Variants in TMTC2 observed in about 807,000 individuals in gnomAD.
The protein encoded by TMTC2 is protein O-mannosyl-transferase TMTC2.
Under a neutral mutation model 82.4 loss-of-function variants are expected in TMTC2, and 43 were observed. The observed-to-expected ratio is 0.52, with a 90% confidence interval of 0.41 to 0.67. The LOEUF is 0.67. Ranked by LOEUF, TMTC2 falls within the 30% of genes least tolerant of loss-of-function variation. The probability of loss-of-function intolerance (pLI) is 0.00; values close to 1 mark genes in which losing one functional copy is unlikely to be tolerated. For synonymous variants in TMTC2, 408 were observed against 381.9 expected (o/e 1.07, Z -0.80); for missense variants, 919 against 1,012.4 (o/e 0.91, Z 1.25).
intron 11 of TMTC2, among the ~76,000 whole-genome samples, chr12:83,115,540 A>T (rs549911825): frequency 6.6e-6 from 1 of 152,206 alleles, no homozygotes; most frequent in South Asian, 2.1e-4. Context: ...TTTTACTTCA[A>T]ATGATGAGCT....
rs577574362 is a variant in TMTC2, at chr12:82,793,290, G to A, written c.84-63720G>A. 5.3e-5 allele frequency among the ~76,000 whole-genome samples: 8 copies of A among 150,920 alleles called. No individual in the cohort carries two copies. In the East Asian group the frequency reaches 9.7e-4, roughly 18 times the overall value. On this transcript the variant is annotated intron_variant, in intron 1 of 11. Transcript: ENST00000321196. The stretch of plus-strand genomic sequence containing the variant: ...ATTTTTAAAGGACTTAATACTTTTC[G>A]TCGTGCTTTCATTTACATGTCCCAT...
chr12:82,751,611 TCA>T (rs1185347300), intron 1 of TMTC2, among the ~76,000 whole-genome samples: 20 of 152,138 alleles, frequency 1.3e-4, no homozygotes, highest in Admixed American at 1.2e-3. Context: ...TTGTAAATTG[TCA>T]CTTAATGGGA....
chr12:83,111,780 A>G lies in TMTC2; in HGVS notation c.2332-20430A>G, dbSNP rs189159817. Among the ~76,000 whole-genome samples the G allele has an allele frequency of 2.0e-5, 3 of 152,322 alleles. No individual in the cohort carries two copies. The East Asian group carries it at 5.8e-4, about 29-fold the overall frequency. On this transcript the variant is annotated intron_variant, in intron 11 of 11. Coordinates refer to ENST00000321196, the MANE Select transcript of TMTC2 (RefSeq NM_152588.3). The stretch of plus-strand genomic sequence containing the variant: ...ATGAATGAGTGAGTGAATAAATTAC[A>G]TTTAAAAAGGAAAAATTAAGAATAT...
chr12:82,873,980 A>G (rs866977357), intron 2 of TMTC2, among the ~76,000 whole-genome samples: 5 of 152,234 alleles, frequency 3.3e-5, no homozygotes, highest in Admixed American at 1.3e-4. Context: ...GAGCAATCAC[A>G]TAAAGTTAAT....
intron 7 of TMTC2, among the ~76,000 whole-genome samples, chr12:82,968,496 T>A (rs1399861095): frequency 2.0e-5 from 3 of 152,164 alleles, no homozygotes; most frequent in Non-Finnish European, 4.4e-5. Context: ...TTGGTTTAAC[T>A]TATTATTTTA....
intron 2 of TMTC2, among the ~76,000 whole-genome samples, chr12:82,860,542 T>G (rs1396995853): frequency 1.3e-5 from 2 of 152,242 alleles, no homozygotes; most frequent in African/African-American, 2.4e-5. Context: ...CATGATCTGT[T>G]TCTTCATCTG....
intron 1 of TMTC2, among the ~76,000 whole-genome samples, chr12:82,815,915 G>A (rs1423107740): frequency 2.6e-5 from 4 of 152,082 alleles, no homozygotes; most frequent in Non-Finnish European, 5.9e-5. Context: ...GGTTTAGTCT[G>A]AGGAAGTCTT....
chr12:83,076,725 C>T (rs965309967), intron 11 of TMTC2, among the ~76,000 whole-genome samples: 3 of 152,340 alleles, frequency 2.0e-5, no homozygotes, highest in Non-Finnish European at 4.4e-5. Flanking sequence ...TAAATATACA[C>T]TGAAACATTA....
chr12:82,696,649 G>A (rs1375975854), intron 1 of TMTC2, among the ~76,000 whole-genome samples: 1 of 152,000 alleles, frequency 6.6e-6, no homozygotes, highest in Non-Finnish European at 1.5e-5. Flanking sequence ...ATTGAACAGA[G>A]GATGAAATCA....
intron 11 of TMTC2, among the ~76,000 whole-genome samples, chr12:83,123,560 T>C (rs1565896931): frequency 6.6e-6 from 1 of 152,232 alleles, no homozygotes; most frequent in Non-Finnish European, 1.5e-5. Flanking sequence ...TTTGTGAAGA[T>C]CATTTGTTTA....
At chr12:82,838,620 C>T (rs1870174541) in intron 1 of TMTC2, among the ~76,000 whole-genome samples, 1 of 152,116 alleles carries the variant, frequency 6.6e-6, no homozygotes. Context: ...GTGTGAACCC[C>T]CTGGTCTTTT....
At chr12:82,692,235 C>T (rs527311806) in intron 1 of TMTC2, among the ~76,000 whole-genome samples, 9 of 152,214 alleles carry the variant, frequency 5.9e-5, no homozygotes, top group African/African-American at 1.4e-4. Context: ...CATACATGCA[C>T]GATTATTACA....
intron 11 of TMTC2, among the ~76,000 whole-genome samples, chr12:83,110,000 T>G (rs1184363638): frequency 1.3e-5 from 2 of 152,144 alleles, no homozygotes; most frequent in African/African-American, 4.8e-5. Context: ...TTCTAGACAT[T>G]TATTCATACC....
intron 8 of TMTC2, among the ~76,000 whole-genome samples, chr12:83,009,764 C>T (rs547542700): frequency 3.0e-4 from 46 of 152,186 alleles, no homozygotes; most frequent in Admixed American, 2.4e-3. Flanking sequence ...CTTTTTGGCA[C>T]CAGGGACCAG....
At chr12:82,726,647 A>G (rs1017250311) in intron 1 of TMTC2, among the ~76,000 whole-genome samples, 14 of 152,132 alleles carry the variant, frequency 9.2e-5, no homozygotes, top group Admixed American at 5.9e-4. Flanking sequence ...TTGGGAGGCC[A>G]AGGTGGGCAG....
chr12:82,945,738 C>T (rs1006172863), intron 4 of TMTC2, among the ~76,000 whole-genome samples: 5 of 152,098 alleles, frequency 3.3e-5, no homozygotes, highest in Non-Finnish European at 7.4e-5. Flanking sequence ...TGCAGATTTC[C>T]AATTACTGTG....
intron 1 of TMTC2, among the ~76,000 whole-genome samples, chr12:82,706,920 T>G (rs1376889442): frequency 6.6e-6 from 1 of 152,216 alleles, no homozygotes; most frequent in East Asian, 1.9e-4. Flanking sequence ...CACAAATGTG[T>G]GTTGTGTGGA....
intron 8 of TMTC2, among the ~76,000 whole-genome samples, chr12:83,005,216 A>T (rs1880131053): frequency 1.4e-5 from 1 of 72,334 alleles, no homozygotes; most frequent in Non-Finnish European, 3.5e-5. Context: ...TAAAAAAAAA[A>T]AAAAAAAAGG....
At chr12:82,878,963 G>A (rs1270715871) in intron 2 of TMTC2, among the ~76,000 whole-genome samples, 1 of 152,164 alleles carries the variant, frequency 6.6e-6, no homozygotes, top group African/African-American at 2.4e-5. Context: ...TCTAGTCCTA[G>A]CTGTGATTGA....
Sources: gnomAD v4.1 joint callset for allele counts (sites outside exome capture counted in the v4.1 genomes callset) on GRCh38, gnomAD v4.1.1 for gene constraint, MANE v1.5 for transcripts, NCBI Gene and HGNC (gene_info 2026-07-23, HGNC 2026-07-21) for gene names.